Variants in MIA2 observed in about 807,000 individuals in gnomAD.
MIA2 encodes melanoma inhibitory activity protein 2.
MIA2 carries 127 observed loss-of-function variants against 167.8 expected under a neutral mutation model. That is an observed-to-expected ratio of 0.76 (90% CI 0.66 to 0.88). The LOEUF (loss-of-function observed/expected upper bound fraction) is 0.88, where lower values mean the gene tolerates loss of function less well. Ranked by LOEUF, MIA2 falls within the 40% of genes least tolerant of loss-of-function variation. MIA2 has a pLI of 0.00. For synonymous variants in MIA2, 552 were observed against 541.9 expected, an observed-to-expected ratio of 1.02 and a Z score of -0.26; for missense variants, 1,690 against 1,624.7, an observed-to-expected ratio of 1.04 and a Z score of -0.69.
chr14:39,235,791 T>C (rs1011335383), intron 1 of MIA2, among the ~76,000 whole-genome samples: 1 of 151,850 alleles, frequency 6.6e-6, no homozygotes, highest in South Asian at 2.1e-4. Context: ...AAAATATATA[T>C]AAAGAAAAAA....
chr14:39,330,063 C>T (rs1437636332), intron 25 of MIA2, among the ~76,000 whole-genome samples: 2 of 152,064 alleles, frequency 1.3e-5, no homozygotes, highest in Non-Finnish European at 2.9e-5. Context: ...CCTCCTTGTA[C>T]CTCTGGTAGA....
intron 26 of MIA2, chr14:39,347,038 CCCAGGAGGTTTCACTTGTGTCAAG>C (rs1272640457): frequency 1.8e-5 from 3 of 166,496 alleles, no homozygotes; most frequent in Non-Finnish European, 3.8e-5. Context: ...TAAAGAGAAA[CCCAGGAGGTTTCACTTGTGTCAAG>C]CACAAGTGAA....
intron 23 of MIA2, chr14:39,386,020 C>A: frequency 1.0e-6 from 1 of 994,752 alleles, no homozygotes; most frequent in Non-Finnish European, 1.6e-6. Flanking sequence ...TACAGTCTGT[C>A]ATGACAACTC....
rs1050627743 is a variant in MIA2, at chr14:39,385,438, A to G, written c.2249-1447A>G. 65 of 1,308,068 alleles carry G rather than the reference A, an allele frequency of 5.0e-5. No homozygotes were observed. The East Asian group carries it at 7.8e-4, about 16-fold the overall frequency. 81.0% of individuals were successfully genotyped at this position (1,308,068 alleles called of 1,614,324 possible). On this transcript the variant is annotated intron_variant, in intron 23 of 23. Transcript: ENST00000341502. The stretch of plus-strand genomic sequence containing the variant: ...ACTTGATGTGTTACTTGGAGATTCA[A>G]TCATCAGTCTTGGGTCAATCAACTC...
Position 39,286,314 on chromosome 14 carries a change from G to A in MIA2, c.2131-4705G>A, listed in dbSNP as rs150485670. Among the ~76,000 whole-genome samples the A allele has an allele frequency of 1.2e-3, 190 of 152,022 alleles. 3 individuals are homozygous for A. The highest frequency in any genetic ancestry group is 4.3e-3 in the African/African-American group (177 of 41,300). On this transcript the variant is annotated intron_variant, in intron 9 of 28. Transcript: ENST00000640607. ...ATGAAAACCAGTCAGGTGTGGTGGCGCGCGCCTGCAATTGCAGGCACTCGG... is the reference window on the plus strand; with the variant it reads ...ATGAAAACCAGTCAGGTGTGGTGGCACGCGCCTGCAATTGCAGGCACTCGG...
chr14:39,241,826 T>C (rs2054053865), intron 3 of MIA2, among the ~76,000 whole-genome samples: 1 of 152,226 alleles, frequency 6.6e-6, no homozygotes, highest in African/African-American at 2.4e-5. Context: ...CATTCCCACA[T>C]GATCTGCTCC....
At chr14:39,265,651 G>GT (rs2055497194) in intron 6 of MIA2, 3 of 398,320 alleles carry the variant, frequency 7.5e-6, no homozygotes, top group Non-Finnish European at 1.3e-5. Flanking sequence ...TTTTGTTTTT[G>GT]TTTTTTGAAA....
Position 39,247,268 on chromosome 14 carries a change from G to A in MIA2, c.694G>A (p.Glu232Lys), listed in dbSNP as rs757230228. The change falls in exon 4 of 29, where the codon GAA (glutamate) becomes AAA (lysine). Residue 232 changes from glutamate to lysine, a missense_variant. By Grantham distance (56) the Glu-to-Lys change is moderately conservative. Coordinates refer to ENST00000640607, the MANE Select transcript of MIA2 (RefSeq NM_001329214.4). Reference sequence around the variant, plus strand: ...CAAAGAATGGTTTGGATTGGGAGGAGAACAAGCTGAAGAGAAGGCTTTTGA... The same window carrying A: ...CAAAGAATGGTTTGGATTGGGAGGAAAACAAGCTGAAGAGAAGGCTTTTGA... ...GVKEWFGLGG[E>K]QAEEKAFESV... 6.2e-7 allele frequency: 1 copy of A among 1,613,972 alleles called. No homozygotes were observed. The highest frequency in any genetic ancestry group is 1.1e-5 in the South Asian group (1 of 91,028).
rs1281347284 is a variant in MIA2, at chr14:39,247,999, G to A, written c.1425G>A (p.Lys475=). 1.3e-6 allele frequency: 2 copies of A among 1,580,090 alleles called. No homozygotes were observed. The highest frequency in any genetic ancestry group is 2.1e-5 in the Admixed American group (1 of 48,670). ...DNPWNFQNIP[K]ETELPFPKQI... ...CTTGGAACTTCCAGAACATTCCAAA[G>A]GAAACAGAATTGCCATTTCCCAAAC... is the stretch of plus-strand genomic sequence containing the variant. The change falls in exon 4 of 29, where the codon AAG becomes AAA. Residue 475 remains lysine (K), a synonymous_variant. Coordinates refer to ENST00000640607, the MANE Select transcript of MIA2 (RefSeq NM_001329214.4).
At chr14:39,336,263 C>G (rs939986800) in intron 25 of MIA2, among the ~76,000 whole-genome samples, 1 of 152,140 alleles carries the variant, frequency 6.6e-6, no homozygotes. Flanking sequence ...TTGGCAACAT[C>G]TGTTATTTTG....
chr14:39,294,043 C>T lies in MIA2; in HGVS notation c.2363C>T (p.Ser788Leu). 6.2e-7 allele frequency: 1 copy of T among 1,611,516 alleles called. No individual in the cohort carries two copies. Among genetic ancestry groups the T allele is most frequent in the South Asian group, 1.1e-5 (1 of 90,762 alleles). The change falls in exon 12 of 29, where the codon TCA becomes TTA. Residue 788 changes from serine to leucine, a missense_variant. Transcript: ENST00000640607. ...SKRIQSLEDE[S>L]KSLKSQVAEA... ...AGGATACAGTCTCTAGAAGATGAGT[C>T]AAAATCCCTCAAATCACAAGTAGCT...
chr14:39,288,460 TATATATATATATA>T (rs2060188813), intron 9 of MIA2, among the ~76,000 whole-genome samples: 13 of 15,952 alleles, frequency 8.1e-4, no homozygotes, highest in African/African-American at 1.1e-3. Context: ...TATATATATA[TATATATATATATA>T]TATTTTTTTT....
chr14:39,317,216 A>G (rs1267148611), intron 21 of MIA2, among the ~76,000 whole-genome samples: 1 of 152,154 alleles, frequency 6.6e-6, no homozygotes, highest in Non-Finnish European at 1.5e-5. Flanking sequence ...GAGAAGCTCC[A>G]CAGACAAGGT....
rs1398477201 is a variant in MIA2 at position 39,247,572 on chromosome 14, A to C, written c.998A>C (p.Glu333Ala). The C allele has an allele frequency of 6.2e-7, 1 of 1,614,098 alleles. No homozygotes were observed. The highest frequency in any genetic ancestry group is 8.5e-7 in the Non-Finnish European group (1 of 1,180,024). The change falls in exon 4 of 29, where the codon GAA (glutamate) becomes GCA (alanine). Residue 333 changes from glutamate to alanine, a missense_variant. Coordinates refer to ENST00000640607, the MANE Select transcript of MIA2 (RefSeq NM_001329214.4). Reference sequence around the variant, plus strand: ...ACAGGGCTTGAATTAATAGCTGAAGAAAGCAATCCACCACTACAAGATTTT... The same window carrying C: ...ACAGGGCTTGAATTAATAGCTGAAGCAAGCAATCCACCACTACAAGATTTT... ...EDTGLELIAEESNPPLQDFPN... is the reference protein window; with the variant it reads ...EDTGLELIAEASNPPLQDFPN...
intron 23 of MIA2, among the ~76,000 whole-genome samples, chr14:39,360,625 T>C (rs796788320): frequency 3.3e-5 from 5 of 152,340 alleles, no homozygotes; most frequent in African/African-American, 1.2e-4. Flanking sequence ...GATTGTTTCC[T>C]TCTGCCTTTG....
chr14:39,375,715 A>G (rs1190919072), intron 23 of MIA2, among the ~76,000 whole-genome samples: 1 of 152,096 alleles, frequency 6.6e-6, no homozygotes, highest in Non-Finnish European at 1.5e-5. Context: ...AAACAAAACA[A>G]AATTGTGGAT....
At chr14:39,297,314 A>G (rs1010805145) in intron 13 of MIA2, among the ~76,000 whole-genome samples, 3 of 149,528 alleles carry the variant, frequency 2.0e-5, no homozygotes, top group Non-Finnish European at 4.5e-5. Flanking sequence ...TTGGTCTTGA[A>G]CTCTTGACCT....
intron 9 of MIA2, among the ~76,000 whole-genome samples, chr14:39,288,549 A>C (rs1198045093): frequency 1.4e-5 from 2 of 144,340 alleles, no homozygotes; most frequent in African/African-American, 5.2e-5. Flanking sequence ...ATCTCAGCAC[A>C]CTGCAACCTC....
intron 6 of MIA2, among the ~76,000 whole-genome samples, chr14:39,273,759 C>G (rs1399725967): frequency 2.0e-5 from 3 of 152,110 alleles, no homozygotes; most frequent in Non-Finnish European, 4.4e-5. Flanking sequence ...ATTTTTGCAT[C>G]TGGAGTCATA....
Sources: gnomAD v4.1 joint callset for allele counts (sites outside exome capture counted in the v4.1 genomes callset) on GRCh38, gnomAD v4.1.1 for gene constraint, MANE v1.5 for transcripts, NCBI Gene and HGNC (gene_info 2026-07-23, HGNC 2026-07-21) for gene names.